CCDC60: variants seen among roughly 807,000 people sequenced by gnomAD.
The protein encoded by CCDC60 is coiled-coil domain-containing protein 60.
CCDC60 carries 54 observed loss-of-function variants against 63.5 expected under a neutral mutation model. That is an observed-to-expected ratio of 0.85 (90% CI 0.68 to 1.07). The LOEUF (loss-of-function observed/expected upper bound fraction) is 1.07, where lower values mean the gene tolerates loss of function less well. CCDC60 is among the 50% of genes least tolerant of loss of function. CCDC60 has a pLI of 0.00. For missense variants in CCDC60, 651 were observed against 684.3 expected, an observed-to-expected ratio of 0.95 and a Z score of 0.54; for synonymous variants, 206 against 238.8, an observed-to-expected ratio of 0.86 and a Z score of 1.27.
intron 2 of CCDC60, among the ~76,000 whole-genome samples, chr12:119,436,873 C>T (rs370139595): frequency 6.6e-6 from 1 of 152,148 alleles, no homozygotes; most frequent in East Asian, 1.9e-4. Context: ...TTACTCAGGT[C>T]CCTGAAGCTA....
At chr12:119,384,663 A>C (rs1756199098) in intron 1 of CCDC60, among the ~76,000 whole-genome samples, 1 of 152,202 alleles carries the variant, frequency 6.6e-6, no homozygotes, top group African/African-American at 2.4e-5. Flanking sequence ...CTACCTGTGA[A>C]GTCTGCAGAG....
At chr12:119,490,663 C>CA (rs1951562052) in intron 5 of CCDC60, among the ~76,000 whole-genome samples, 1 of 152,032 alleles carries the variant, frequency 6.6e-6, no homozygotes, top group Admixed American at 6.6e-5. Flanking sequence ...CTCCTGGGCT[C>CA]AAACAATCCT....
At chr12:119,471,189 A>G (rs942008478) in intron 2 of CCDC60, among the ~76,000 whole-genome samples, 1 of 152,252 alleles carries the variant, frequency 6.6e-6, no homozygotes, top group Non-Finnish European at 1.5e-5. Flanking sequence ...ACATCAAGCC[A>G]GCATCAAGAC....
intron 1 of CCDC60, among the ~76,000 whole-genome samples, chr12:119,353,577 CT>C (rs1237228749): frequency 6.9e-6 from 1 of 144,290 alleles, no homozygotes; most frequent in African/African-American, 2.6e-5. Flanking sequence ...TCTCCCCTCT[CT>C]CCTTCTTCTT....
chr12:119,443,599 T>A (rs1308404736), intron 2 of CCDC60, among the ~76,000 whole-genome samples: 1 of 152,182 alleles, frequency 6.6e-6, no homozygotes, highest in Non-Finnish European at 1.5e-5. Flanking sequence ...AGCAGGCAGT[T>A]TAAACCCCAT....
intron 1 of CCDC60, among the ~76,000 whole-genome samples, chr12:119,425,109 C>T (rs1027803343): frequency 1.3e-5 from 2 of 152,144 alleles, no homozygotes; most frequent in South Asian, 2.1e-4. Context: ...CAGACATGAC[C>T]GTGGCATAAA....
intron 3 of CCDC60, among the ~76,000 whole-genome samples, chr12:119,474,039 C>T (rs1951124197): frequency 6.6e-6 from 1 of 152,186 alleles, no homozygotes. Context: ...TTTAAGGAAA[C>T]TCCATACTGT....
intron 7 of CCDC60, among the ~76,000 whole-genome samples, chr12:119,507,945 A>T (rs1057256444): frequency 1.2e-4 from 18 of 152,002 alleles, no homozygotes; most frequent in African/African-American, 4.1e-4. Context: ...AGGCAGGAGG[A>T]TGGCTTGAGT....
intron 5 of CCDC60, among the ~76,000 whole-genome samples, chr12:119,492,741 T>C (rs201498196): frequency 2.0e-5 from 3 of 152,228 alleles, no homozygotes; most frequent in African/African-American, 7.2e-5. Flanking sequence ...TGTTTCTTCA[T>C]TGGTTAAATG....
At chr12:119,473,403 G>A (rs1187265278) in intron 3 of CCDC60, among the ~76,000 whole-genome samples, 1 of 152,196 alleles carries the variant, frequency 6.6e-6, no homozygotes, top group Non-Finnish European at 1.5e-5. Flanking sequence ...AAACACCACT[G>A]TCCAGGTCAG....
rs1475491496 is a variant in CCDC60 at position 119,479,049 on chromosome 12, T to C, written c.342-45T>C. ...GGCAAGAGAAGAAGGTGTTCAAAGC[T>C]ACTGCTCATTGTTCACATTGTTTCT... On this transcript the variant is annotated intron_variant, in intron 3 of 13. Transcript: ENST00000327554. 4 of 1,359,414 alleles carry C rather than the reference T, an allele frequency of 2.9e-6. No homozygotes were observed. The African/African-American group carries it at 5.7e-5, about 19-fold the overall frequency. 84.2% of individuals were successfully genotyped at this position (1,359,414 alleles called of 1,614,324 possible).
At chr12:119,355,094 T>C (rs1955703049) in intron 1 of CCDC60, among the ~76,000 whole-genome samples, 1 of 152,202 alleles carries the variant, frequency 6.6e-6, no homozygotes, top group African/African-American at 2.4e-5. Flanking sequence ...CAAGCCTCAG[T>C]TTCCTTATCC....
intron 7 of CCDC60, among the ~76,000 whole-genome samples, chr12:119,511,600 G>C (rs77320844): frequency 6.6e-6 from 1 of 152,162 alleles, no homozygotes; most frequent in Admixed American, 6.5e-5. Flanking sequence ...CCAAAAAGAA[G>C]AAATGGATTT....
intron 7 of CCDC60, among the ~76,000 whole-genome samples, chr12:119,509,461 T>C (rs551404543): frequency 1.3e-5 from 2 of 152,228 alleles, no homozygotes; most frequent in East Asian, 3.9e-4. Context: ...AAATTACTCC[T>C]TGTGGTAACA....
intron 1 of CCDC60, among the ~76,000 whole-genome samples, chr12:119,415,845 T>G (rs1474348909): frequency 1.3e-5 from 2 of 152,174 alleles, no homozygotes; most frequent in Non-Finnish European, 2.9e-5. Context: ...CAGACAGTAA[T>G]AAGCACATGG....
chr12:119,415,550 G>GGTCA (rs1371742124), intron 1 of CCDC60, among the ~76,000 whole-genome samples: 3 of 152,154 alleles, frequency 2.0e-5, no homozygotes, highest in African/African-American at 7.2e-5. Flanking sequence ...ATTTTGGAAG[G>GGTCA]GTCAGCTATG....
At chr12:119,400,206 C>T (rs113555553) in intron 1 of CCDC60, among the ~76,000 whole-genome samples, 21 of 152,188 alleles carry the variant, frequency 1.4e-4, no homozygotes, top group Middle Eastern at 3.4e-3. Flanking sequence ...CCAGCCACCA[C>T]GCCCGGCTAA....
intron 2 of CCDC60, among the ~76,000 whole-genome samples, chr12:119,462,776 A>G (rs1296397899): frequency 2.6e-5 from 4 of 151,234 alleles, no homozygotes; most frequent in Non-Finnish European, 5.9e-5. Flanking sequence ...ATATGCTACC[A>G]TGCCCAACTA....
At chr12:119,513,059 CTG>C (rs1201693682) in intron 7 of CCDC60, among the ~76,000 whole-genome samples, 1 of 152,182 alleles carries the variant, frequency 6.6e-6, no homozygotes, top group Non-Finnish European at 1.5e-5. Flanking sequence ...CAACCTCACA[CTG>C]TGATGTTTCA....
Sources: gnomAD v4.1 joint callset for allele counts (sites outside exome capture counted in the v4.1 genomes callset) on GRCh38, gnomAD v4.1.1 for gene constraint, MANE v1.5 for transcripts, NCBI Gene and HGNC (gene_info 2026-07-23, HGNC 2026-07-21) for gene names.